FIGNL2: variants seen among roughly 807,000 people sequenced by gnomAD.
FIGNL2 encodes the protein fidgetin like 2, also known as fidgetin-like protein 2.
For synonymous variants in FIGNL2, 565 were observed against 484.0 expected (o/e 1.17, Z -2.20); for missense variants, 1,060 against 950.2 (o/e 1.12, Z -1.52).
chr12:51,821,861 C>CCGGGGGCGG lies in FIGNL2; in HGVS notation c.544_552dup (p.Pro182_Pro184dup). The CCGGGGGCGG allele has an allele frequency of 2.3e-6, 3 of 1,296,316 alleles. No homozygotes were observed. Among genetic ancestry groups the CCGGGGGCGG allele is most frequent in the South Asian group, 2.8e-5 (1 of 35,528 alleles). The allele number at this position is 1,296,316 out of a possible 1,614,324, so 80.3% of individuals were successfully genotyped here. On this transcript the variant is annotated inframe_insertion, in exon 2 of 2. Transcript: ENST00000618634. ...GGCGGTGGGGGCTGCAGGAGCGCGG[C>CCGGGGGCGG]CGGGGGCGGCGGGGGCAGCGCGGCG...
rs1041563786 is a variant in FIGNL2 at position 51,820,721 on chromosome 12, G to A, written c.1693C>T (p.Gln565Ter). The A allele has an allele frequency of 2.0e-6, 3 of 1,480,500 alleles. No individual in the cohort carries two copies. Among genetic ancestry groups the A allele is most frequent in the African/African-American group, 1.5e-5 (1 of 68,090 alleles). 91.7% of individuals were successfully genotyped at this position (1,480,500 alleles called of 1,614,324 possible). The change falls in exon 2 of 2, where the codon CAG (glutamine) becomes TAG (stop). Residue 565 changes from glutamine (Q) to a stop codon, truncating the protein, a stop_gained. Coordinates refer to ENST00000618634, the MANE Select transcript of FIGNL2 (RefSeq NM_001384995.1). LOFTEE classifies it low-confidence loss of function (END_TRUNC). ...VALPDSPARG[Q>*]ILQRALAQQG... ...TGGGCCAGCGCCCGCTGCAGGATCT[G>A]CCCGCGGGCCGGGCTGTCGGGCAGC...
chr12:51,820,806 C>A lies in FIGNL2; in HGVS notation c.1608G>T (p.Ser536=). ...ADGVLVVGTT[S]RPAALDEATR... ...TCGCCTCGTCCAGAGCCGCGGGCCG[C>A]GAGGTGGTGCCCACAACCAGCACGC... Residue 536 remains serine (S), a synonymous_variant, in exon 2 of 2, where the codon TCG becomes TCT. Coordinates refer to ENST00000618634, the MANE Select transcript of FIGNL2 (RefSeq NM_001384995.1). 6.8e-7 allele frequency: 1 copy of A among 1,473,570 alleles called. No homozygotes were observed. The highest frequency in any genetic ancestry group is 8.9e-7 in the Non-Finnish European group (1 of 1,120,420). The allele number at this position is 1,473,570 out of a possible 1,614,324, so 91.3% of individuals were successfully genotyped here.
At chr12:51,847,055 C>T in intron 1 of FIGNL2, 1 of 985,408 alleles carries the variant, frequency 1.0e-6, no homozygotes, top group South Asian at 4.7e-5. Flanking sequence ...CGCGGCCGCC[C>T]GGTACCCGCG....
chr12:51,827,850 C>T (rs1939376073), intron 1 of FIGNL2, among the ~76,000 whole-genome samples: 1 of 152,174 alleles, frequency 6.6e-6, no homozygotes, highest in Admixed American at 6.5e-5. Flanking sequence ...AGCCGTCATA[C>T]CAGCTCTGAG....
chr12:51,847,638 C>A (rs1165237922), intron 1 of FIGNL2: 5 of 985,276 alleles, frequency 5.1e-6, no homozygotes, highest in Non-Finnish European at 6.0e-6. Flanking sequence ...CTCTGCCCCG[C>A]GCAGACCCCT....
chr12:51,822,270 G>T lies in FIGNL2; in HGVS notation c.144C>A (p.His48Gln). The T allele has an allele frequency of 1.9e-6, 3 of 1,611,424 alleles. No homozygotes were observed. The highest frequency in any genetic ancestry group is 2.5e-6 in the Non-Finnish European group (3 of 1,178,866). Residue 48 changes from histidine to glutamine, a missense_variant, in exon 2 of 2, where the codon CAC becomes CAA. His to Gln is a conservative substitution (Grantham distance 24, BLOSUM62 0). Transcript: ENST00000618634. ...AGGCAGTGAGGGCTGAGATGTCGTCGTGTGCCCAAGCGTAGTGGCAGCGTT... is the reference window on the plus strand; with the variant it reads ...AGGCAGTGAGGGCTGAGATGTCGTCTTGTGCCCAAGCGTAGTGGCAGCGTT... ...GRQRCHYAWA[H>Q]DDISALTASN...
intron 1 of FIGNL2, among the ~76,000 whole-genome samples, chr12:51,826,461 G>A (rs1432736431): frequency 7.1e-6 from 1 of 140,000 alleles, no homozygotes; most frequent in Admixed American, 7.4e-5. Flanking sequence ...AAACCCCTCT[G>A]TACTAAAAAT....
chr12:51,848,002 C>T, intron 1 of FIGNL2: 1 of 666,982 alleles, frequency 1.5e-6, no homozygotes, highest in Non-Finnish European at 1.9e-6. Flanking sequence ...GCGCGGGGAC[C>T]CTAAGTAGCC....
In FIGNL2 at chr12:51,821,205, C is replaced by T. The variant is rs1198410118; in HGVS notation, c.1209G>A (p.Ala403=). ...GGGGCCACACCAGCTCCTCCTCCAG[C>T]GCCGCCTTGAGCGCGCCCTGGCCCG... The part of the protein sequence containing the change: ...DVAGQGALKA[A]LEEELVWPLL... The change falls in exon 2 of 2, where the codon GCG becomes GCA. Residue 403 remains alanine, a synonymous_variant. Transcript: ENST00000618634. The T allele has an allele frequency of 2.6e-6, 4 of 1,520,632 alleles. No individual in the cohort carries two copies. In the East Asian group the frequency reaches 1.0e-4, roughly 39 times the overall value. 94.2% of individuals were successfully genotyped at this position (1,520,632 alleles called of 1,614,324 possible).
chr12:51,824,622 T>G (rs892272530), intron 1 of FIGNL2: 2 of 152,240 alleles, frequency 1.3e-5, no homozygotes, highest in South Asian at 2.1e-4. Context: ...GGGGCAGATA[T>G]GCAGCCCTCC....
At chr12:51,827,654 C>A (rs1403143533) in intron 1 of FIGNL2, among the ~76,000 whole-genome samples, 1 of 152,186 alleles carries the variant, frequency 6.6e-6, no homozygotes, top group Non-Finnish European at 1.5e-5. Flanking sequence ...CAAGCAGTGC[C>A]CCAACCTTGC....
intron 1 of FIGNL2, among the ~76,000 whole-genome samples, chr12:51,830,245 C>T (rs1592190178): frequency 6.7e-6 from 1 of 150,374 alleles, no homozygotes; most frequent in East Asian, 2.0e-4. Flanking sequence ...GCTGAGATCG[C>T]GCCACTGCAC....
rs1421146776 is a variant in FIGNL2 at position 51,821,589 on chromosome 12, C to T, written c.825G>A (p.Glu275=). Residue 275 remains glutamate, a synonymous_variant, in exon 2 of 2, where the codon GAG becomes GAA. Transcript: ENST00000618634. The stretch of plus-strand genomic sequence containing the variant: ...CGTACGCGTACTTGCGGTAGCGGCC[C>T]TCGGGCCCCTCGTCGGCGGCCTTGC... ...LKRKAADEGP[E]GRYRKYAYEP... The T allele has an allele frequency of 2.0e-6, 3 of 1,511,082 alleles. No homozygotes were observed. The highest frequency in any genetic ancestry group is 2.6e-6 in the Non-Finnish European group (3 of 1,136,120). 93.6% of individuals were successfully genotyped at this position (1,511,082 alleles called of 1,614,324 possible).
chr12:51,839,489 A>C (rs1472972929), intron 1 of FIGNL2, among the ~76,000 whole-genome samples: 1 of 152,010 alleles, frequency 6.6e-6, no homozygotes, highest in Non-Finnish European at 1.5e-5. Context: ...CTGCCTTCCT[A>C]ATCCTTCTTC....
rs768973260 is a variant in FIGNL2 at position 51,822,433 on chromosome 12, A to G, written c.-11-9T>C. 6.2e-7 allele frequency: 1 copy of G among 1,612,764 alleles called. No homozygotes were observed. Among genetic ancestry groups the G allele is most frequent in the Non-Finnish European group, 8.5e-7 (1 of 1,179,578 alleles). On this transcript the variant is annotated splice_polypyrimidine_tract_variant and intron_variant, in intron 1 of 1. Coordinates refer to ENST00000618634, the MANE Select transcript of FIGNL2 (RefSeq NM_001384995.1). ...GTGCATCTTCAACAGAGCTGCGGGC[A>G]AGAGACAGGAGGTCTGGTGAGGTCT...
Position 51,821,961 on chromosome 12 carries a change from G to GC in FIGNL2, c.452dup (p.Ser153IlefsTer140). ...CCGCGTACTCGGGCGCCGCCGATGG[G>GC]CCCCCGCACGCATTGCCGGCGTAGA... On this transcript the variant is annotated frameshift_variant, in exon 2 of 2. Transcript: ENST00000618634. LOFTEE classifies it low-confidence loss of function (END_TRUNC). 6.5e-7 allele frequency: 1 copy of GC among 1,544,972 alleles called. No homozygotes were observed. The highest frequency in any genetic ancestry group is 8.7e-7 in the Non-Finnish European group (1 of 1,146,306).
chr12:51,845,555 C>T (rs896360590), intron 1 of FIGNL2: 1 of 985,342 alleles, frequency 1.0e-6, no homozygotes, highest in Admixed American at 6.1e-5. Context: ...CTGCTGCAGC[C>T]CTGGAGCTTT....
chr12:51,840,281 G>T (rs1051620324), intron 1 of FIGNL2, among the ~76,000 whole-genome samples: 4 of 152,200 alleles, frequency 2.6e-5, no homozygotes, highest in Admixed American at 6.5e-5. Context: ...GCTCCTCTTT[G>T]CCTGGGACTT....
chr12:51,822,292 C>T lies in FIGNL2; in HGVS notation c.122G>A (p.Arg41His), dbSNP rs767022453. The part of the protein sequence containing the change: ...KLELPPGGRQ[R>H]CHYAWAHDDI... ...GTCGTGTGCCCAAGCGTAGTGGCAG[C>T]GTTGGCGACCCCCAGGGGGCAACTC... is the stretch of plus-strand genomic sequence containing the variant. Residue 41 changes from arginine to histidine, a missense_variant, in exon 2 of 2, where the codon CGC becomes CAC. Physicochemically the swap from Arg to His is conservative, Grantham distance 29. Coordinates refer to ENST00000618634, the MANE Select transcript of FIGNL2 (RefSeq NM_001384995.1). 9 of 1,610,886 alleles carry T rather than the reference C, an allele frequency of 5.6e-6. No individual in the cohort carries two copies. In the Middle Eastern group the frequency reaches 8.3e-4, roughly 148 times the overall value.
Sources: gnomAD v4.1 joint callset for allele counts (sites outside exome capture counted in the v4.1 genomes callset) on GRCh38, gnomAD v4.1.1 for gene constraint, MANE v1.5 for transcripts, NCBI Gene and HGNC (gene_info 2026-07-23, HGNC 2026-07-21) for gene names.